Variants in CFAP221 observed in about 807,000 individuals in gnomAD.
CFAP221 encodes cilia- and flagella-associated protein 221.
A neutral mutation model predicts 113.1 loss-of-function variants in CFAP221; 97 were observed. The ratio of observed to expected loss-of-function variants is 0.86; its 90% CI spans 0.73 to 1.02. The LOEUF (loss-of-function observed/expected upper bound fraction) is 1.02. CFAP221 is among the 50% of genes least tolerant of loss of function. CFAP221 has a pLI of 0.00. For missense variants in CFAP221, 1,025 were observed against 1,013.4 expected, an observed-to-expected ratio of 1.01 and a Z score of -0.16; for synonymous variants, 331 against 354.4, an observed-to-expected ratio of 0.93 and a Z score of 0.74.
At chr2:119,599,530 G>A (rs1684223337) in intron 7 of CFAP221, among the ~76,000 whole-genome samples, 1 of 152,190 alleles carries the variant, frequency 6.6e-6, no homozygotes, top group African/African-American at 2.4e-5. Flanking sequence ...TCCGGGAGTA[G>A]GATGAAGCTA....
intron 3 of CFAP221, among the ~76,000 whole-genome samples, chr2:119,559,112 G>A (rs902406781): frequency 6.6e-6 from 1 of 152,210 alleles, no homozygotes; most frequent in African/African-American, 2.4e-5. Context: ...CAGAGACCCA[G>A]CTGACATATC....
intron 8 of CFAP221, among the ~76,000 whole-genome samples, chr2:119,603,210 C>A (rs935187269): frequency 6.6e-6 from 1 of 152,162 alleles, no homozygotes; most frequent in Non-Finnish European, 1.5e-5. Context: ...CCACATGTAA[C>A]TGATTTATCA....
intron 14 of CFAP221, among the ~76,000 whole-genome samples, chr2:119,624,382 G>A (rs1458199755): frequency 6.6e-6 from 1 of 152,228 alleles, no homozygotes; most frequent in African/African-American, 2.4e-5. Flanking sequence ...AGATGCTGGA[G>A]AGGATGTGGA....
intron 7 of CFAP221, among the ~76,000 whole-genome samples, chr2:119,600,023 C>T (rs193090870): frequency 1.1e-4 from 16 of 152,062 alleles, no homozygotes; most frequent in Admixed American, 7.2e-4. Flanking sequence ...GGGGACTGTG[C>T]GAGGCCTCTG....
chr2:119,562,253 C>CAA (rs10628972), intron 6 of CFAP221, 139 bp downstream of exon 6: 3,180 of 272,684 alleles, frequency 0.012, 27 homozygotes, highest in South Asian at 0.017. Flanking sequence ...TTGTAAAAGG[C>CAA]AAAAAAAAAA....
At chr2:119,638,736 C>T (rs1423944018) in intron 20 of CFAP221, among the ~76,000 whole-genome samples, 5 of 152,178 alleles carry the variant, frequency 3.3e-5, no homozygotes, top group African/African-American at 1.2e-4. Flanking sequence ...AACCGTTGGT[C>T]TGACCTCCTC....
chr2:119,656,296 G>A (rs749135462), intron 23 of CFAP221, 66 bp from the exon 24 acceptor site: 21 of 1,271,528 alleles, frequency 1.7e-5, no homozygotes, highest in Non-Finnish European at 2.2e-5. Flanking sequence ...CACTGCTGGC[G>A]GGGGGTGATT....
At chr2:119,628,294 G>GTGTGTGT (rs371675389) in intron 16 of CFAP221, among the ~76,000 whole-genome samples, 20,225 of 137,380 alleles carry the variant, frequency 0.15, 1,998 homozygotes, top group Non-Finnish European at 0.16. Context: ...CTCTCTGGGG[G>GTGTGTGT]GTGTGTGTGT....
chr2:119,551,530 A>G (rs908046545), intron 3 of CFAP221, among the ~76,000 whole-genome samples: 1 of 152,120 alleles, frequency 6.6e-6, no homozygotes, highest in African/African-American at 2.4e-5. Context: ...TCCCCATTGA[A>G]TGGTCTTGGC....
rs1685459910 is a variant in CFAP221 at position 119,615,496 on chromosome 2, T to G, written c.1312-115T>G. 5.2e-6 allele frequency: 4 copies of G among 772,038 alleles called. No individual in the cohort carries two copies. The South Asian group carries it at 7.7e-5, about 15-fold the overall frequency. 47.8% of individuals were successfully genotyped at this position (772,038 alleles called of 1,614,324 possible). On this transcript the variant is annotated intron_variant, in intron 13 of 23. Transcript: ENST00000413369. ...TAATAAATAAATGCTCACTAAGCAA[T>G]ACAACAAATAAATAACAACTTGATT... is the stretch of plus-strand genomic sequence containing the variant.
chr2:119,609,054 A>G (rs989222701), intron 12 of CFAP221, among the ~76,000 whole-genome samples: 2 of 152,190 alleles, frequency 1.3e-5, no homozygotes, highest in Admixed American at 1.3e-4. Context: ...GCTGAGCAGA[A>G]AAAGGGAAAG....
chr2:119,638,092 C>CGAG, intron 19 of CFAP221, 167 bp from the exon 20 acceptor site: 1 of 538,596 alleles, frequency 1.9e-6, no homozygotes, highest in Non-Finnish European at 3.1e-6. Flanking sequence ...ACGCTGCCGA[C>CGAG]TTGAAGACAC....
intron 2 of CFAP221, among the ~76,000 whole-genome samples, chr2:119,547,415 TG>T (rs1177758494): frequency 6.6e-6 from 1 of 151,926 alleles, no homozygotes; most frequent in Non-Finnish European, 1.5e-5. Context: ...AAAAATTAGC[TG>T]TGTGTGGTGG....
rs745789456 is a variant in CFAP221, at chr2:119,627,779, A to G, written c.1643A>G (p.Asn548Ser). ...FPDCSPPQDS[N>S]ELAPDGLGLV... is the part of the protein sequence containing the mutation. ...GACTGCAGCCCACCCCAGGACTCCAACGAGTTGGTAGGTGCCGTCAGGCTT... is the reference window on the plus strand; with the variant it reads ...GACTGCAGCCCACCCCAGGACTCCAGCGAGTTGGTAGGTGCCGTCAGGCTT... Residue 548 changes from asparagine (N) to serine (S), a missense_variant, in exon 16 of 24, where the codon AAC becomes AGC. Asn to Ser is a conservative substitution (Grantham distance 46). Transcript: ENST00000413369. The G allele has an allele frequency of 1.1e-5, 17 of 1,613,574 alleles. No individual in the cohort carries two copies. The highest frequency in any genetic ancestry group is 8.3e-5 in the Admixed American group (5 of 59,952).
chr2:119,626,967 T>C (rs937110349), intron 15 of CFAP221, among the ~76,000 whole-genome samples: 14 of 151,350 alleles, frequency 9.3e-5, no homozygotes, highest in Non-Finnish European at 1.6e-4. Context: ...AATCCTCTGA[T>C]GCCCAGCTTG....
chr2:119,610,815 C>T (rs1685095791), intron 12 of CFAP221, among the ~76,000 whole-genome samples: 1 of 152,068 alleles, frequency 6.6e-6, no homozygotes, highest in African/African-American at 2.4e-5. Context: ...TTTGAAGTTA[C>T]CCAACAAACA....
intron 6 of CFAP221, among the ~76,000 whole-genome samples, chr2:119,584,353 A>C (rs1452870327): frequency 6.6e-6 from 1 of 152,172 alleles, no homozygotes; most frequent in Non-Finnish European, 1.5e-5. Flanking sequence ...TTTGGTGGCC[A>C]AGGCAAGAGG....
Position 119,615,706 on chromosome 2 carries a change from CAAGGT to C in CFAP221, c.1410+1_1410+5del. On this transcript the variant is annotated splice_donor_variant and coding_sequence_variant, in exon 14 of 24. Coordinates refer to ENST00000413369, the MANE Select transcript of CFAP221 (RefSeq NM_001271049.2). LOFTEE classifies it high-confidence loss of function. Reference sequence around the variant, plus strand: ...AAAAACGGTTTCAACAAGTAGCACGCAAGGTAAGTCTCAGCACCAGCTGGAAATGT... The same window carrying C: ...AAAAACGGTTTCAACAAGTAGCACGCAAGTCTCAGCACCAGCTGGAAATGT... The C allele has an allele frequency of 6.2e-7, 1 of 1,605,664 alleles. No homozygotes were observed.
chr2:119,582,290 CT>C (rs1401029244), intron 6 of CFAP221, among the ~76,000 whole-genome samples: 24 of 152,096 alleles, frequency 1.6e-4, no homozygotes. Flanking sequence ...AAAGTCAGTA[CT>C]TTTTGTTGTT....
Sources: allele counts gnomAD v4.1 joint callset (sites outside exome capture counted in the v4.1 genomes callset), GRCh38; gene constraint gnomAD v4.1.1; transcripts MANE v1.5; gene names NCBI Gene and HGNC (gene_info 2026-07-23, HGNC 2026-07-21).